KIAA0586: variants seen among roughly 807,000 people sequenced by gnomAD.
The protein encoded by KIAA0586 is protein TALPID3.
Under a neutral mutation model 169.8 loss-of-function variants are expected in KIAA0586, and 144 were observed. That is an observed-to-expected ratio of 0.85 (90% confidence interval 0.74 to 0.97). The LOEUF (loss-of-function observed/expected upper bound fraction) is 0.97. Ranked by LOEUF, KIAA0586 falls within the 50% of genes least tolerant of loss-of-function variation. KIAA0586 has a pLI of 0.00. For synonymous variants in KIAA0586, 625 were observed against 612.4 expected, an observed-to-expected ratio of 1.02 and a Z score of -0.30; for missense variants, 1,854 against 1,823.0, an observed-to-expected ratio of 1.02 and a Z score of -0.31.
chr14:58,527,723 G>T (rs1483189430), intron 29 of KIAA0586, among the ~76,000 whole-genome samples: 1 of 152,198 alleles, frequency 6.6e-6, no homozygotes, highest in East Asian at 1.9e-4. Flanking sequence ...ACATGGCAAG[G>T]AAAAACTTGC....
intron 29 of KIAA0586, chr14:58,539,826 C>A: frequency 3.3e-6 from 1 of 300,962 alleles, no homozygotes; most frequent in Non-Finnish European, 6.1e-6. Flanking sequence ...CTTTGCTTCC[C>A]CCCCCCATCT....
chr14:58,474,179 C>T (rs922302972), intron 18 of KIAA0586, among the ~76,000 whole-genome samples: 22 of 152,102 alleles, frequency 1.4e-4, no homozygotes, highest in Admixed American at 1.4e-3. Context: ...CCCCAAGACC[C>T]AAGCACCGCC....
At chr14:58,454,233 A>G (rs2039634942) in intron 9 of KIAA0586, among the ~76,000 whole-genome samples, 1 of 152,240 alleles carries the variant, frequency 6.6e-6, no homozygotes, top group Non-Finnish European at 1.5e-5. Context: ...TACAATTAAC[A>G]TATTAATTTA....
intron 3 of KIAA0586, among the ~76,000 whole-genome samples, chr14:58,431,704 A>T (rs1204375686): frequency 6.6e-6 from 1 of 152,236 alleles, no homozygotes; most frequent in Non-Finnish European, 1.5e-5. Context: ...ATTCATGAGC[A>T]TGGAATGTTT....
At chr14:58,433,327 A>G (rs1437389933) in intron 4 of KIAA0586, 1 of 152,250 alleles carries the variant, frequency 6.6e-6, no homozygotes, top group Non-Finnish European at 1.5e-5. Flanking sequence ...TTGGTCTCCC[A>G]CAGTGCTGGG....
Position 58,498,935 on chromosome 14 carries a change from A to G in KIAA0586, c.4143A>G (p.Leu1381=). 6.2e-7 allele frequency: 1 copy of G among 1,606,686 alleles called. No individual in the cohort carries two copies. Among genetic ancestry groups the G allele is most frequent in the Non-Finnish European group, 8.5e-7 (1 of 1,176,560 alleles). Residue 1381 remains leucine (L), a synonymous_variant, in exon 27 of 31, where the codon TTA becomes TTG. Coordinates refer to ENST00000652326, the MANE Select transcript of KIAA0586 (RefSeq NM_001329943.3). ...ATCAACAATGTGATCCTAAACCATT[A>G]TCTCGGCAATTTGACACAGTTTCAG... ...SLDQQCDPKP[L]SRQFDTVSGS...
At chr14:58,545,713 G>A (rs1027125226) in intron 30 of KIAA0586, among the ~76,000 whole-genome samples, 6 of 152,120 alleles carry the variant, frequency 3.9e-5, no homozygotes, top group African/African-American at 1.2e-4. Flanking sequence ...ATTAATGCTT[G>A]TGTCCTATAC....
Position 58,523,719 on chromosome 14 carries a change from A to ATATTAT in KIAA0586, c.4429+11115_4429+11120dup, listed in dbSNP as rs542449532. Among the ~76,000 whole-genome samples the ATATTAT allele has an allele frequency of 5.4e-3, 809 of 149,036 alleles. 5 individuals carry two copies. The highest frequency in any genetic ancestry group is 0.018 in the African/African-American group (717 of 40,620). On this transcript the variant is annotated intron_variant, in intron 29 of 30. Coordinates refer to ENST00000652326, the MANE Select transcript of KIAA0586 (RefSeq NM_001329943.3). Reference sequence around the variant, plus strand: ...GAGTAGCATCTGATCTTTTAATTGAATATTATTATTATTATTATTATTATT... The same window carrying ATATTAT: ...GAGTAGCATCTGATCTTTTAATTGAATATTATTATTATTATTATTATTATTATTATT...
intron 28 of KIAA0586, among the ~76,000 whole-genome samples, chr14:58,510,664 A>C (rs977510213): frequency 6.6e-6 from 1 of 152,198 alleles, no homozygotes; most frequent in African/African-American, 2.4e-5. Context: ...ACACAAAGAC[A>C]TGTACGTGAA....
At chr14:58,547,645 A>T (rs1054941566) in intron 30 of KIAA0586, 136 bp from the exon 31 acceptor site, 101 of 743,796 alleles carry the variant, frequency 1.4e-4, no homozygotes, top group African/African-American at 8.2e-4. Flanking sequence ...ACCTTGGGAC[A>T]AGAGAGTCCC....
chr14:58,430,351 A>C (rs1018403422), intron 2 of KIAA0586, among the ~76,000 whole-genome samples: 1 of 152,182 alleles, frequency 6.6e-6, no homozygotes, highest in East Asian at 1.9e-4. Context: ...TGAGATGTTA[A>C]ATGACTTGCT....
At chr14:58,443,845 A>C (rs1484643401) in intron 5 of KIAA0586, 109 bp from the exon 6 acceptor site, 4 of 688,034 alleles carry the variant, frequency 5.8e-6, no homozygotes, top group Non-Finnish European at 9.9e-6. Context: ...GTAAAGGCTC[A>C]AATTAGATCA....
intron 13 of KIAA0586, among the ~76,000 whole-genome samples, chr14:58,460,766 A>T (rs1407648122): frequency 6.6e-6 from 1 of 152,022 alleles, no homozygotes; most frequent in African/African-American, 2.4e-5. Context: ...TAATGTAAAA[A>T]TTTTCATGTT....
intron 9 of KIAA0586, among the ~76,000 whole-genome samples, chr14:58,455,300 C>G (rs1228727582): frequency 1.3e-5 from 2 of 152,192 alleles, no homozygotes; most frequent in East Asian, 3.9e-4. Flanking sequence ...TAGTCTTTGC[C>G]TAGTAAGTCT....
chr14:58,458,430 CAGT>C, intron 11 of KIAA0586, 40 bp from the exon 12 acceptor site: 1 of 1,050,374 alleles, frequency 9.5e-7, no homozygotes, highest in Middle Eastern at 2.1e-4. Context: ...CTGCTCAGGA[CAGT>C]AAGTGCTAAT....
Position 58,437,747 on chromosome 14 carries a change from G to A in KIAA0586, c.411-4959G>A, listed in dbSNP as rs145655589. Reference sequence around the variant, plus strand: ...AAAAAAAAGGCCAAGTTCACAAAAGGGATCCAAGCTGGAAATTAAGATGCA... The same window carrying A: ...AAAAAAAAGGCCAAGTTCACAAAAGAGATCCAAGCTGGAAATTAAGATGCA... On this transcript the variant is annotated intron_variant, in intron 4 of 30. Transcript: ENST00000652326. Among the ~76,000 whole-genome samples, 109 of 151,188 alleles carry A rather than the reference G, an allele frequency of 7.2e-4. 1 individual carries two copies. The South Asian group carries it at 0.01, about 15-fold the overall frequency.
Position 58,427,818 on chromosome 14 carries a change from G to C in KIAA0586, c.-447G>C, listed in dbSNP as rs1204333290. 6.8e-7 allele frequency: 1 copy of C among 1,463,616 alleles called. No individual in the cohort carries two copies. The highest frequency in any genetic ancestry group is 9.0e-7 in the Non-Finnish European group (1 of 1,111,732). The allele number at this position is 1,463,616 out of a possible 1,614,324, so 90.7% of individuals were successfully genotyped here. ...CCGACGATTGCATCTGGAGGGGTGT[G>C]TAAGACTCTGTGGCTGAAGAAAGCT... On this transcript the variant is annotated 5_prime_UTR_variant, in exon 1 of 31. Coordinates refer to ENST00000652326, the MANE Select transcript of KIAA0586 (RefSeq NM_001329943.3).
In KIAA0586 at chr14:58,545,849, T is replaced by G. The variant is rs191913231; in HGVS notation, c.4496-1932T>G. Among the ~76,000 whole-genome samples the G allele has an allele frequency of 5.3e-5, 8 of 151,916 alleles. No homozygotes were observed. The East Asian group carries it at 1.6e-3, about 29-fold the overall frequency. On this transcript the variant is annotated intron_variant, in intron 30 of 30. Transcript: ENST00000652326. ...GAGTTTGAGACCAGCCCCGGCATCA[T>G]AGGGAGACCCTCCCTCTACAAAAAA...
chr14:58,478,632 C>T (rs2041825284), intron 20 of KIAA0586, among the ~76,000 whole-genome samples: 1 of 152,084 alleles, frequency 6.6e-6, no homozygotes, highest in Non-Finnish European at 1.5e-5. Context: ...GCACCTGGCC[C>T]AGTTTCACAA....
Sources: allele counts gnomAD v4.1 joint callset (sites outside exome capture counted in the v4.1 genomes callset), GRCh38; gene constraint gnomAD v4.1.1; transcripts MANE v1.5; gene names NCBI Gene and HGNC (gene_info 2026-07-23, HGNC 2026-07-21).